RFX3: variants seen among roughly 807,000 people sequenced by gnomAD.
RFX3 encodes regulatory factor X3.
RFX3 carries 14 observed loss-of-function variants against 98.6 expected under a neutral mutation model. That is an observed-to-expected ratio of 0.14 (90% CI 0.09 to 0.22). RFX3 has a LOEUF of 0.22. Ranked by LOEUF, RFX3 falls within the 10% of genes least tolerant of loss-of-function variation. The probability of loss-of-function intolerance (pLI) is 1.00; values close to 1 mark genes in which losing one functional copy is unlikely to be tolerated. For synonymous variants in RFX3, 383 were observed against 328.4 expected (o/e 1.17, Z -1.80); for missense variants, 639 against 926.9 (o/e 0.69, Z 4.03).
In RFX3 at chr9:3,248,086, T is replaced by C; in HGVS notation, c.1914A>G (p.Val638=). 1.2e-6 allele frequency: 2 copies of C among 1,614,048 alleles called. No individual in the cohort carries two copies. Among genetic ancestry groups the C allele is most frequent in the East Asian group, 2.2e-5 (1 of 44,866 alleles). Residue 638 remains valine (V), a synonymous_variant, in exon 15 of 17, where the codon GTA becomes GTG. Transcript: ENST00000617270. Reference sequence around the variant, plus strand: ...CTGTTGCCTGAGCAACACGATGTTCTACTAAGTAAAACATATATTCGTCGT... The same window carrying C: ...CTGTTGCCTGAGCAACACGATGTTCCACTAAGTAAAACATATATTCGTCGT... The part of the protein sequence containing the change: ...LLYDEYMFYL[V]EHRVAQATGE...
At chr9:3,425,367 T>C (rs982048997) in intron 1 of RFX3, among the ~76,000 whole-genome samples, 5 of 152,250 alleles carry the variant, frequency 3.3e-5, no homozygotes, top group African/African-American at 1.2e-4. Context: ...TATATCTGTA[T>C]GGTCATGTAT....
chr9:3,353,072 T>C (rs973919844), intron 2 of RFX3, among the ~76,000 whole-genome samples: 10 of 151,928 alleles, frequency 6.6e-5, no homozygotes, highest in Non-Finnish European at 1.5e-4. Flanking sequence ...CTGGAAATCA[T>C]CATTCTCAGC....
intron 3 of RFX3, among the ~76,000 whole-genome samples, chr9:3,341,015 C>T (rs1173105108): frequency 1.3e-5 from 2 of 152,138 alleles, no homozygotes; most frequent in African/African-American, 2.4e-5. Context: ...AATTGTCCAA[C>T]AACAATAGAC....
At chr9:3,463,894 G>T (rs1468885228) in intron 1 of RFX3, among the ~76,000 whole-genome samples, 2 of 152,040 alleles carry the variant, frequency 1.3e-5, no homozygotes, top group African/African-American at 2.4e-5. Flanking sequence ...GATTGTTTGG[G>T]CCTGGGAAGT....
At chr9:3,419,023 T>A (rs994499604) in intron 1 of RFX3, among the ~76,000 whole-genome samples, 3 of 152,228 alleles carry the variant, frequency 2.0e-5, no homozygotes, top group African/African-American at 7.2e-5. Context: ...AACCAGAATT[T>A]ATAGATTTGA....
In RFX3 at chr9:3,265,122, A is replaced by G. The variant is rs1413441412; in HGVS notation, c.1455+1086T>C. Among the ~76,000 whole-genome samples, 4 of 152,118 alleles carry G rather than the reference A, an allele frequency of 2.6e-5. No homozygotes were observed. The East Asian group carries it at 7.7e-4, about 29-fold the overall frequency. On this transcript the variant is annotated intron_variant, in intron 12 of 16. Transcript: ENST00000617270. The stretch of plus-strand genomic sequence containing the variant: ...CTCTCTGCCATGATGGACATGCTCT[A>G]CACATATGCTGCCTAACATGGTAGC...
intron 13 of RFX3, 62 bp from the exon 14 acceptor site, chr9:3,257,261 AG>A: frequency 7.4e-7 from 1 of 1,354,738 alleles, no homozygotes; most frequent in Non-Finnish European, 1.1e-6. Flanking sequence ...ATTGAATGCC[AG>A]CACACACACT....
intron 4 of RFX3, among the ~76,000 whole-genome samples, chr9:3,314,592 C>G (rs1294146297): frequency 2.0e-5 from 3 of 152,020 alleles, no homozygotes; most frequent in Middle Eastern, 3.2e-3. Flanking sequence ...TGGATAAAGA[C>G]TCAAGACCCA....
chr9:3,335,905 T>A (rs1201213637), intron 3 of RFX3, among the ~76,000 whole-genome samples: 3 of 152,222 alleles, frequency 2.0e-5, no homozygotes, highest in Admixed American at 2.0e-4. Flanking sequence ...GAATATTCCC[T>A]ACTTACTTAT....
chr9:3,497,134 G>A (rs1851169175), intron 1 of RFX3, among the ~76,000 whole-genome samples: 1 of 152,016 alleles, frequency 6.6e-6, no homozygotes, highest in African/African-American at 2.4e-5. Flanking sequence ...ACCTCGTGAT[G>A]TGAAATATAG....
chr9:3,345,352 G>C (rs772231400), intron 3 of RFX3, among the ~76,000 whole-genome samples: 44 of 152,180 alleles, frequency 2.9e-4, no homozygotes, highest in Admixed American at 7.9e-4. Context: ...GTTATGCCTA[G>C]AAGGTAGAAA....
In RFX3 at chr9:3,525,813, AGG is replaced by A; in HGVS notation, c.-77_-76del. The A allele has an allele frequency of 2.5e-6, 2 of 806,332 alleles. No homozygotes were observed. The highest frequency in any genetic ancestry group is 3.0e-6 in the Non-Finnish European group (2 of 665,980). 49.9% of individuals were successfully genotyped at this position (806,332 alleles called of 1,614,324 possible). A position where few individuals can be genotyped will look rare whatever the true frequency, so the allele number is the denominator to read the frequency against. On this transcript the variant is annotated 5_prime_UTR_variant, in exon 1 of 17. Transcript: ENST00000617270. ...GATGGTGGTGGTGGGGAGGAGGAGG[AGG>A]AAGAGGAGGAGGAGGAGGAGAGGAG...
chr9:3,494,504 C>T lies in RFX3; in HGVS notation c.-9+31243G>A, dbSNP rs143600656. Among the ~76,000 whole-genome samples the T allele has an allele frequency of 7.9e-3, 1,209 of 152,264 alleles. 48 individuals carry two copies. Among genetic ancestry groups the T allele is most frequent in the Admixed American group, 0.067 (1,030 of 15,282 alleles). ...GCTACTTTTCAAGCTAGAAATGTGA[C>T]ATTCTGAATGCAGAATTAAGAAGAG... On this transcript the variant is annotated intron_variant, in intron 1 of 16. Transcript: ENST00000617270.
intron 2 of RFX3, among the ~76,000 whole-genome samples, chr9:3,389,236 G>C (rs1485759308): frequency 6.6e-6 from 1 of 152,086 alleles, no homozygotes; most frequent in African/African-American, 2.4e-5. Flanking sequence ...AGGACAAGCA[G>C]GGGTTAGACG....
intron 1 of RFX3, among the ~76,000 whole-genome samples, chr9:3,421,623 T>G (rs1308689656): frequency 6.6e-6 from 1 of 152,184 alleles, no homozygotes. Context: ...CATTTGGTTA[T>G]CCCATTAACC....
intron 4 of RFX3, among the ~76,000 whole-genome samples, chr9:3,312,914 C>CCTCT (rs1563908825): frequency 6.6e-6 from 1 of 152,232 alleles, no homozygotes; most frequent in Non-Finnish European, 1.5e-5. Flanking sequence ...GGCCTGCCTG[C>CCTCT]CTCTGTAGAC....
intron 4 of RFX3, among the ~76,000 whole-genome samples, chr9:3,310,891 T>C (rs1469716202): frequency 1.3e-5 from 2 of 152,158 alleles, no homozygotes; most frequent in African/African-American, 4.8e-5. Flanking sequence ...GCTTATAAAA[T>C]CAAAATTTGC....
intron 1 of RFX3, among the ~76,000 whole-genome samples, chr9:3,466,948 T>C (rs953635490): frequency 6.7e-6 from 1 of 150,044 alleles, no homozygotes; most frequent in Non-Finnish European, 1.5e-5. Flanking sequence ...GAGGTATTCA[T>C]ATGCATAAAG....
chr9:3,308,424 A>C (rs1563900227), intron 4 of RFX3, among the ~76,000 whole-genome samples: 1 of 152,222 alleles, frequency 6.6e-6, no homozygotes, highest in Non-Finnish European at 1.5e-5. Flanking sequence ...CTGAAATGTC[A>C]GAGTGGCTGG....
Sources: allele counts gnomAD v4.1 joint callset (sites outside exome capture counted in the v4.1 genomes callset), GRCh38; gene constraint gnomAD v4.1.1; transcripts MANE v1.5; gene names NCBI Gene and HGNC (gene_info 2026-07-23, HGNC 2026-07-21).